The following BCAS1 variants were observed in gnomAD, a reference collection of about 807,000 sequenced individuals.
BCAS1 encodes the protein breast carcinoma-amplified sequence 1.
Under a neutral mutation model 65.4 loss-of-function variants are expected in BCAS1, and 46 were observed. That is an observed-to-expected ratio of 0.70 (90% CI 0.55 to 0.90). The LOEUF is 0.90. Among genes scored for constraint, BCAS1 ranks in the 40% least tolerant of loss-of-function variants. The pLI, the probability that BCAS1 is intolerant of heterozygous loss-of-function variation, is 0.00. For missense variants in BCAS1, 793 were observed against 771.2 expected (o/e 1.03, Z -0.33); for synonymous variants, 298 against 293.5 (o/e 1.02, Z -0.16).
In BCAS1 at chr20:53,957,491, T is replaced by C; in HGVS notation, c.1492A>G (p.Lys498Glu). ...LMAFLRQMSVKGDGGITHSEE... is the reference protein window; with the variant it reads ...LMAFLRQMSVEGDGGITHSEE... ...GAGTGGGTGATCCCTCCATCCCCTT[T>C]CACTGACTAAAATAACAAACAGACA... Residue 498 changes from lysine to glutamate, a missense_variant, in exon 11 of 13, where the codon AAA becomes GAA. Transcript: ENST00000688948. 6.2e-7 allele frequency: 1 copy of C among 1,613,986 alleles called. No individual in the cohort carries two copies. Among genetic ancestry groups the C allele is most frequent in the African/African-American group, 1.3e-5 (1 of 75,058 alleles).
chr20:53,998,145 C>G (rs950669741), intron 4 of BCAS1, among the ~76,000 whole-genome samples: 1 of 152,118 alleles, frequency 6.6e-6, no homozygotes, highest in Non-Finnish European at 1.5e-5. Context: ...GGTGGCACTG[C>G]ATTTAGACTC....
chr20:53,965,547 T>C (rs2090004286), intron 10 of BCAS1, among the ~76,000 whole-genome samples: 1 of 152,254 alleles, frequency 6.6e-6, no homozygotes, highest in Admixed American at 6.5e-5. Flanking sequence ...CATTGCTTTT[T>C]ATAAACAGTA....
chr20:54,029,273 C>T (rs900430487), intron 3 of BCAS1: 13 of 972,948 alleles, frequency 1.3e-5, no homozygotes, highest in African/African-American at 7.0e-5. Flanking sequence ...GTAAGAACTC[C>T]GTGAGCAGCA....
intron 3 of BCAS1, among the ~76,000 whole-genome samples, chr20:54,046,235 A>G (rs1413674837): frequency 6.6e-6 from 1 of 152,228 alleles, no homozygotes; most frequent in Admixed American, 6.5e-5. Flanking sequence ...GATTCCATGC[A>G]TTAAGAATTC....
Position 53,954,553 on chromosome 20 carries a change from G to GT in BCAS1, c.1552-859dup, listed in dbSNP as rs2089643525. Among the ~76,000 whole-genome samples the GT allele has an allele frequency of 2.0e-5, 3 of 152,160 alleles. No homozygotes were observed. The South Asian group carries it at 6.2e-4, about 31-fold the overall frequency. ...TGAAATGGTGGTAAAAGAGATGATT[G>GT]TTTTATTAGTTTGGAATGTATATCG... On this transcript the variant is annotated intron_variant, in intron 11 of 12. Coordinates refer to ENST00000688948, the MANE Select transcript of BCAS1 (RefSeq NM_001366298.2).
intron 1 of BCAS1, chr20:54,068,429 A>G (rs1017387848): frequency 6.5e-6 from 1 of 154,368 alleles, no homozygotes; most frequent in Non-Finnish European, 1.5e-5. Flanking sequence ...TAGGAAGGCA[A>G]CCATCTCTGG....
chr20:54,017,125 AATCT>A (rs1462059747), intron 4 of BCAS1, among the ~76,000 whole-genome samples: 1 of 152,184 alleles, frequency 6.6e-6, no homozygotes, highest in African/African-American at 2.4e-5. Context: ...GGGGGAAAGA[AATCT>A]ATCTAAGAAA....
chr20:53,974,376 G>A (rs1015591548), intron 9 of BCAS1, among the ~76,000 whole-genome samples: 2 of 152,168 alleles, frequency 1.3e-5, no homozygotes, highest in African/African-American at 2.4e-5. Flanking sequence ...TGAAGTCAGC[G>A]AGACCAAGAA....
intron 3 of BCAS1, among the ~76,000 whole-genome samples, chr20:54,056,067 T>C (rs2092292389): frequency 6.6e-6 from 1 of 152,164 alleles, no homozygotes; most frequent in Admixed American, 6.5e-5. Context: ...AAAAGGTACA[T>C]ACTTTCACTC....
chr20:53,955,821 G>A (rs557053122), intron 11 of BCAS1, among the ~76,000 whole-genome samples: 1 of 152,256 alleles, frequency 6.6e-6, no homozygotes, highest in East Asian at 1.9e-4. Flanking sequence ...TTGTATGGAT[G>A]TCATTCCAAT....
intron 11 of BCAS1, among the ~76,000 whole-genome samples, chr20:53,955,713 C>T (rs771750920): frequency 6.6e-6 from 1 of 152,162 alleles, no homozygotes; most frequent in Non-Finnish European, 1.5e-5. Flanking sequence ...AAAGGACACA[C>T]CAGTGTTCTC....
Position 54,020,362 on chromosome 20 carries a change from G to T in BCAS1, c.723+8030C>A, listed in dbSNP as rs146744632. ...AAACAATTTACTAGATATTTCAATG[G>T]ATTAACGCCATGACATGTTAAAGAC... On this transcript the variant is annotated intron_variant, in intron 4 of 12. Transcript: ENST00000688948. Among the ~76,000 whole-genome samples the T allele has an allele frequency of 4.0e-4, 61 of 152,228 alleles. No homozygotes were observed. In the East Asian group the frequency reaches 0.012, roughly 29 times the overall value.
intron 10 of BCAS1, among the ~76,000 whole-genome samples, chr20:53,958,896 C>A (rs1222381488): frequency 6.6e-6 from 1 of 152,128 alleles, no homozygotes; most frequent in Non-Finnish European, 1.5e-5. Context: ...ACCACCTCCC[C>A]ATACTGCCCC....
At chr20:54,042,496 A>G (rs2060805676) in intron 3 of BCAS1, among the ~76,000 whole-genome samples, 1 of 152,220 alleles carries the variant, frequency 6.6e-6, no homozygotes, top group South Asian at 2.1e-4. Flanking sequence ...GCTGTGCCCA[A>G]CAGCACGTAC....
chr20:53,975,279 T>C, intron 9 of BCAS1, 110 bp downstream of exon 9: 2 of 898,254 alleles, frequency 2.2e-6, no homozygotes, highest in Admixed American at 2.0e-5. Flanking sequence ...AACAAACGAA[T>C]CACACTGGCA....
intron 4 of BCAS1, among the ~76,000 whole-genome samples, chr20:53,998,813 TAC>T (rs2090986331): frequency 6.6e-6 from 1 of 152,172 alleles, no homozygotes; most frequent in Non-Finnish European, 1.5e-5. Context: ...ACAATGCCAA[TAC>T]GTCAAATATT....
intron 4 of BCAS1, among the ~76,000 whole-genome samples, chr20:54,008,112 C>T (rs1168201581): frequency 6.6e-6 from 1 of 152,234 alleles, no homozygotes; most frequent in African/African-American, 2.4e-5. Flanking sequence ...GACCATACTA[C>T]TCCAGCCAAA....
At chr20:53,977,788 C>T (rs1412031277) in intron 8 of BCAS1, among the ~76,000 whole-genome samples, 1 of 152,172 alleles carries the variant, frequency 6.6e-6, no homozygotes, top group East Asian at 1.9e-4. Flanking sequence ...TTTTTAAAGT[C>T]AGACTACTTA....
At chr20:53,948,904 T>G (rs2089421790) in intron 12 of BCAS1, among the ~76,000 whole-genome samples, 1 of 152,096 alleles carries the variant, frequency 6.6e-6, no homozygotes, top group Non-Finnish European at 1.5e-5. Context: ...TTTCCAACCC[T>G]CGGTCTCAGG....
Sources: gnomAD v4.1 joint callset for allele counts (sites outside exome capture counted in the v4.1 genomes callset) on GRCh38, gnomAD v4.1.1 for gene constraint, MANE v1.5 for transcripts, NCBI Gene and HGNC (gene_info 2026-07-23, HGNC 2026-07-21) for gene names.